OCM: variants seen among roughly 807,000 people sequenced by gnomAD.
OCM encodes oncomodulin, also known as oncomodulin-1.
OCM carries 18 observed loss-of-function variants against 14.1 expected under a neutral mutation model. That is an observed-to-expected ratio of 1.28 (90% CI 0.88 to 1.89). The LOEUF (loss-of-function observed/expected upper bound fraction) is 1.89, where lower values mean the gene tolerates loss of function less well. Ranked by LOEUF, OCM falls within the 40% of genes most tolerant of loss-of-function variation. The probability of loss-of-function intolerance (pLI) is 0.00; values close to 1 mark genes in which losing one functional copy is unlikely to be tolerated. For synonymous variants in OCM, 48 were observed against 51.0 expected, an observed-to-expected ratio of 0.94 and a Z score of 0.25; for missense variants, 140 against 137.6, an observed-to-expected ratio of 1.02 and a Z score of -0.09.
chr7:5,884,220 C>T (rs1302699569), intron 3 of OCM, among the ~76,000 whole-genome samples: 1 of 152,170 alleles, frequency 6.6e-6, no homozygotes, highest in East Asian at 1.9e-4. Context: ...GCTGGTCACA[C>T]TGGTCATTGT....
chr7:5,869,788 A>C, the OCM span, among the ~76,000 whole-genome samples: 2 of 152,144 alleles, frequency 1.3e-5, no homozygotes, highest in African/African-American at 4.8e-5. Flanking sequence ...TTGCCCTGGC[A>C]GCCTCATCCT....
At chr7:5,878,441 A>G (rs1781140374), upstream of OCM, among the ~76,000 whole-genome samples, 2 of 151,704 alleles carry the variant, frequency 1.3e-5, no homozygotes, top group East Asian at 2.0e-4. Context: ...TGTACTATAC[A>G]TACACTTAAA....
chr7:5,883,640 T>G (rs1223975640), intron 2 of OCM, among the ~76,000 whole-genome samples: 1 of 125,060 alleles, frequency 8.0e-6, no homozygotes, highest in East Asian at 2.3e-4. Flanking sequence ...TGAGCCATGA[T>G]GGTATCACTG....
chr7:5,882,085 C>CAAAAAAAAA (rs60321561), intron 1 of OCM, among the ~76,000 whole-genome samples: 7 of 45,970 alleles, frequency 1.5e-4, no homozygotes, highest in East Asian at 9.9e-4. Context: ...GACTCTGTCT[C>CAAAAAAAAA]AAAAAAAAAA....
upstream of OCM, among the ~76,000 whole-genome samples, chr7:5,879,175 G>C (rs759857842): frequency 1.3e-5 from 2 of 152,068 alleles, no homozygotes; most frequent in East Asian, 3.9e-4. Flanking sequence ...CACTCCAGCC[G>C]GGGCAACAGA....
At chr7:5,875,520 C>T (rs1781078431), upstream of OCM, among the ~76,000 whole-genome samples, 1 of 152,058 alleles carries the variant, frequency 6.6e-6, no homozygotes, top group Admixed American at 6.6e-5. Context: ...ATCACCCTGG[C>T]TGGTCTCGAA....
chr7:5,860,864 A>T, the OCM span, among the ~76,000 whole-genome samples: 1 of 150,276 alleles, frequency 6.7e-6, no homozygotes, highest in East Asian at 1.9e-4. Context: ...ACATATACAT[A>T]TATATATTTA....
the OCM span, among the ~76,000 whole-genome samples, chr7:5,864,090 G>A: frequency 1.3e-5 from 2 of 151,808 alleles, no homozygotes; most frequent in African/African-American, 2.4e-5. Context: ...CTGAAATCCC[G>A]GCACTTTAGG....
chr7:5,868,171 T>C, the OCM span, among the ~76,000 whole-genome samples: 10 of 152,118 alleles, frequency 6.6e-5, no homozygotes, highest in African/African-American at 2.2e-4. Flanking sequence ...TTTTGTTTTT[T>C]TGGAGACAGG....
In OCM at chr7:5,884,002, A is replaced by G. The variant is rs1431818511; in HGVS notation, c.304+3A>G. On this transcript the variant is annotated splice_donor_region_variant and intron_variant, in intron 3 of 3. Transcript: ENST00000242104. ...AGATGGGAAAATTGGAGCAGAGGGT[A>G]TGTCCACACGTGTACGTAGCATAAA... is the stretch of plus-strand genomic sequence containing the variant. 2.5e-6 allele frequency: 4 copies of G among 1,612,242 alleles called. No individual in the cohort carries two copies. Among genetic ancestry groups the G allele is most frequent in the Non-Finnish European group, 3.4e-6 (4 of 1,179,160 alleles).
intron 1 of OCM, among the ~76,000 whole-genome samples, chr7:5,881,258 C>T (rs1781211440): frequency 6.7e-6 from 1 of 149,034 alleles, no homozygotes; most frequent in Admixed American, 6.8e-5. Flanking sequence ...GCAGAAGTTG[C>T]AGTGAGCTGA....
upstream of OCM, among the ~76,000 whole-genome samples, chr7:5,880,397 C>T (rs13308738): frequency 1.6e-4 from 24 of 151,872 alleles, no homozygotes; most frequent in African/African-American, 5.6e-4. Context: ...GGGTGTTTTC[C>T]GTATCTGGTT....
chr7:5,871,829 A>G, the OCM span: 1 of 151,936 alleles, frequency 6.6e-6, no homozygotes, highest in African/African-American at 2.4e-5. Context: ...ACTGATCAGC[A>G]CAGGAGTTTT....
intron 3 of OCM, 79 bp from the exon 4 acceptor site, chr7:5,885,985 G>C: frequency 6.3e-7 from 1 of 1,596,926 alleles, no homozygotes; most frequent in South Asian, 1.1e-5. Context: ...TTCCCTCTTT[G>C]GAATTCTCAT....
chr7:5,859,847 G>A, the OCM span, among the ~76,000 whole-genome samples: 74 of 151,590 alleles, frequency 4.9e-4, no homozygotes, highest in African/African-American at 1.6e-3. Context: ...ACAGGCGCCC[G>A]CCTATAATTT....
the OCM span, among the ~76,000 whole-genome samples, chr7:5,872,746 G>A: frequency 6.2e-4 from 95 of 152,220 alleles, no homozygotes; most frequent in African/African-American, 2.2e-3. Flanking sequence ...GCCGAAGGCC[G>A]CAGGGTCCTC....
At chr7:5,861,224 C>G in the OCM span, among the ~76,000 whole-genome samples, 3 of 152,010 alleles carry the variant, frequency 2.0e-5, no homozygotes, top group Non-Finnish European at 4.4e-5. Flanking sequence ...GAGTTCGAGA[C>G]CAGCCTGGCC....
the OCM span, among the ~76,000 whole-genome samples, chr7:5,860,564 C>CGT: frequency 3.3e-5 from 2 of 60,922 alleles, no homozygotes; most frequent in South Asian, 5.9e-4. Context: ...TGTATATATA[C>CGT]GTGTGTATAT....
the OCM span, among the ~76,000 whole-genome samples, chr7:5,871,072 C>G: frequency 8.6e-5 from 13 of 151,870 alleles, no homozygotes; most frequent in African/African-American, 3.1e-4. Context: ...GAAAGCCAGG[C>G]GCAGTGGCTC....
Sources: gnomAD v4.1 joint callset for allele counts (sites outside exome capture counted in the v4.1 genomes callset) on GRCh38, gnomAD v4.1.1 for gene constraint, MANE v1.5 for transcripts, NCBI Gene and HGNC (gene_info 2026-07-23, HGNC 2026-07-21) for gene names.